Variants in DIPK1A observed in about 807,000 individuals in gnomAD.
The protein encoded by DIPK1A is family with sequence similarity 69 member A.
DIPK1A carries 27 observed loss-of-function variants against 40.8 expected under a neutral mutation model. That is an observed-to-expected ratio of 0.66 (90% CI 0.49 to 0.91). The LOEUF (loss-of-function observed/expected upper bound fraction) is 0.91, where lower values mean the gene tolerates loss of function less well. Among genes scored for constraint, DIPK1A ranks in the 40% least tolerant of loss-of-function variants. DIPK1A has a pLI of 0.00. For synonymous variants in DIPK1A, 166 were observed against 171.3 expected, an observed-to-expected ratio of 0.97 and a Z score of 0.24; for missense variants, 412 against 505.7, an observed-to-expected ratio of 0.81 and a Z score of 1.78.
chr1:92,957,186 A>G (rs1195276830), intron 1 of DIPK1A, among the ~76,000 whole-genome samples: 1 of 152,252 alleles, frequency 6.6e-6, no homozygotes, highest in Non-Finnish European at 1.5e-5. Context: ...TAAACAAAGT[A>G]GATCTTAGTT....
chr1:92,940,835 C>T (rs1463061515), intron 1 of DIPK1A, among the ~76,000 whole-genome samples: 1 of 152,162 alleles, frequency 6.6e-6, no homozygotes, highest in Non-Finnish European at 1.5e-5. Flanking sequence ...CTGATGATAT[C>T]TCATCACGGT....
intron 2 of DIPK1A, among the ~76,000 whole-genome samples, chr1:92,860,998 C>T (rs1363057135): frequency 1.3e-5 from 2 of 152,120 alleles, no homozygotes; most frequent in Non-Finnish European, 2.9e-5. Context: ...CATCAAACAT[C>T]GGTGGATTCA....
chr1:92,955,410 G>A (rs1402975776), intron 1 of DIPK1A, among the ~76,000 whole-genome samples: 1 of 152,102 alleles, frequency 6.6e-6, no homozygotes, highest in African/African-American at 2.4e-5. Flanking sequence ...TTAAATATAG[G>A]GGAGGGGGCT....
chr1:92,917,033 C>G (rs1192525761), intron 1 of DIPK1A, among the ~76,000 whole-genome samples: 1 of 152,152 alleles, frequency 6.6e-6, no homozygotes, highest in Non-Finnish European at 1.5e-5. Flanking sequence ...CAGCTGTAAT[C>G]AGTGTACATA....
At chr1:92,936,930 T>G (rs1338113375) in intron 1 of DIPK1A, among the ~76,000 whole-genome samples, 1 of 152,208 alleles carries the variant, frequency 6.6e-6, no homozygotes, top group African/African-American at 2.4e-5. Context: ...TAGATACCCT[T>G]ACATGCAATT....
intron 2 of DIPK1A, among the ~76,000 whole-genome samples, chr1:92,854,928 G>A (rs761268927): frequency 3.3e-5 from 5 of 152,144 alleles, no homozygotes; most frequent in Non-Finnish European, 7.4e-5. Flanking sequence ...GAAAGCTCCT[G>A]TAGGTATGGT....
chr1:92,933,260 A>G (rs1650828170), intron 1 of DIPK1A: 1 of 152,210 alleles, frequency 6.6e-6, no homozygotes, highest in Non-Finnish European at 1.5e-5. Context: ...AATCAACAGA[A>G]CTAAAACTTT....
chr1:92,946,081 C>T (rs899765606), intron 1 of DIPK1A, among the ~76,000 whole-genome samples: 4 of 152,126 alleles, frequency 2.6e-5, no homozygotes, highest in Admixed American at 1.3e-4. Context: ...TATGGTCTAG[C>T]TTCTGGGAAG....
intron 1 of DIPK1A, among the ~76,000 whole-genome samples, chr1:92,915,795 T>C (rs1650030404): frequency 6.6e-6 from 1 of 152,112 alleles, no homozygotes. Flanking sequence ...ACTAAAAATA[T>C]ATGTCCACAC....
At chr1:92,877,700 C>CT (rs1321263585) in intron 1 of DIPK1A, among the ~76,000 whole-genome samples, 2 of 152,176 alleles carry the variant, frequency 1.3e-5, no homozygotes, top group African/African-American at 4.8e-5. Context: ...ATGCAAGATA[C>CT]TTTTGTATTG....
At chr1:92,835,064 G>T in intron 4 of DIPK1A, 1 of 1,105,140 alleles carries the variant, frequency 9.0e-7, no homozygotes, top group South Asian at 1.3e-5. Flanking sequence ...GATCTATCTA[G>T]GTCAGCTCTT....
chr1:92,880,898 A>C (rs915996724), intron 1 of DIPK1A, among the ~76,000 whole-genome samples: 6 of 140,686 alleles, frequency 4.3e-5, no homozygotes, highest in African/African-American at 1.4e-4. Context: ...AACAAACAAA[A>C]AAACTACTTC....
At chr1:92,886,883 A>T (rs1336325121) in intron 1 of DIPK1A, among the ~76,000 whole-genome samples, 1 of 152,022 alleles carries the variant, frequency 6.6e-6, no homozygotes, top group African/African-American at 2.4e-5. Context: ...ATTATTATCT[A>T]AGGCTGCTTT....
intron 1 of DIPK1A, among the ~76,000 whole-genome samples, chr1:92,937,677 G>GT (rs36123458): frequency 0.35 from 53,080 of 151,696 alleles, 9,712 homozygotes; most frequent in African/African-American, 0.38. Flanking sequence ...AAAAATACAT[G>GT]TATCTTTAAC....
At chr1:92,889,008 C>CT (rs896252378) in intron 1 of DIPK1A, among the ~76,000 whole-genome samples, 13 of 152,068 alleles carry the variant, frequency 8.5e-5, no homozygotes, top group African/African-American at 3.1e-4. Flanking sequence ...TGTGCAGAAG[C>CT]TTTTTTGTTT....
intron 1 of DIPK1A, among the ~76,000 whole-genome samples, chr1:92,896,185 C>T (rs1157312861): frequency 1.7e-4 from 26 of 152,218 alleles, no homozygotes; most frequent in Non-Finnish European, 5.9e-5. Context: ...AAAAAAGAGC[C>T]CGCATTGCCA....
At chr1:92,861,039 T>G (rs942403949) in intron 2 of DIPK1A, among the ~76,000 whole-genome samples, 1 of 152,110 alleles carries the variant, frequency 6.6e-6, no homozygotes. Context: ...CCAATCTCTA[T>G]GTCTTTTATT....
chr1:92,847,248 A>C lies in DIPK1A; in HGVS notation c.409T>G (p.Phe137Val), dbSNP rs1230630675. 2 of 1,611,470 alleles carry C rather than the reference A, an allele frequency of 1.2e-6. No homozygotes were observed. ...ELEPRKEIVL[F>V]DKPTRGTTVQ... ...GTAGTTCCTCTAGTTGGCTTATCAA[A>C]TAGCACTATTTCTTTTCTTGGTTCC... Residue 137 changes from phenylalanine (F) to valine (V), a missense_variant, in exon 4 of 5, where the codon TTT becomes GTT. Phe to Val is a conservative substitution (Grantham distance 50). Transcript: ENST00000370310.
At chr1:92,851,416 G>A (rs887735858) in intron 2 of DIPK1A, among the ~76,000 whole-genome samples, 9 of 151,388 alleles carry the variant, frequency 5.9e-5, no homozygotes, top group Non-Finnish European at 8.8e-5. Context: ...GGTGGCGGGC[G>A]CCTGTAATGC....
Sources: allele counts gnomAD v4.1 joint callset (sites outside exome capture counted in the v4.1 genomes callset), GRCh38; gene constraint gnomAD v4.1.1; transcripts MANE v1.5; gene names NCBI Gene and HGNC (gene_info 2026-07-23, HGNC 2026-07-21).